Variants in SHROOM2 observed in about 807,000 individuals in gnomAD.
SHROOM2 encodes shroom family member 2.
In SHROOM2, 33 loss-of-function variants were observed where a neutral mutation model predicts 75.9. The ratio of observed to expected loss-of-function variants is 0.43; its 90% CI spans 0.33 to 0.58. SHROOM2 has a LOEUF of 0.58. SHROOM2 is among the 20% of genes least tolerant of loss of function. The pLI, the probability that SHROOM2 is intolerant of heterozygous loss-of-function variation, is 0.04. For missense variants in SHROOM2, 1,434 were observed against 1,461.2 expected (o/e 0.98, Z 0.30); for synonymous variants, 655 against 663.6 (o/e 0.99, Z 0.20).
chrX:9,794,272 C>T (rs1336892709), intron 1 of SHROOM2, among the ~76,000 whole-genome samples: 1 of 112,115 alleles, frequency 8.9e-6, no homozygotes, highest in Non-Finnish European at 1.9e-5. Context: ...TCCCTCCAGC[C>T]CCTGCCTCTT....
chrX:9,873,683 A>T lies in SHROOM2; in HGVS notation c.197A>T (p.Asp66Val), dbSNP rs145000598. 7 of 1,210,126 alleles carry T rather than the reference A, an allele frequency of 5.8e-6. No individual in the cohort carries two copies. The highest frequency in any genetic ancestry group is 7.8e-6 in the Non-Finnish European group (7 of 895,187). Reference protein sequence around the residue: ...IEEGSKAAAVDKLLAGDEIVG... With the variant: ...IEEGSKAAAVVKLLAGDEIVG... ...GAGGGCAGTAAAGCCGCGGCGGTCG[A>T]CAAGTTACTGGCTGGAGATGAGATC... The change falls in exon 2 of 10, where the codon GAC becomes GTC. Residue 66 changes from aspartate (D) to valine (V), a missense_variant. This residue lies in a region of SHROOM2 where 1,340 missense variants were observed against 1,338.3 expected (regional missense o/e 1.00). Coordinates refer to ENST00000380913, the MANE Select transcript of SHROOM2 (RefSeq NM_001649.4).
chrX:9,863,310 CA>C (rs2084114790), intron 1 of SHROOM2, among the ~76,000 whole-genome samples: 1 of 111,242 alleles, frequency 9.0e-6, no homozygotes, highest in African/African-American at 3.3e-5. Context: ...TTTTGGGAGC[CA>C]CATGCCCCCT....
At chrX:9,817,498 C>T (rs189315494) in intron 1 of SHROOM2, among the ~76,000 whole-genome samples, 34 of 112,057 alleles carry the variant, frequency 3.0e-4, no homozygotes, top group Admixed American at 8.5e-4. Context: ...AATGTAATAA[C>T]TTCCCTGGCT....
intron 1 of SHROOM2, among the ~76,000 whole-genome samples, chrX:9,797,432 C>T (rs182598018): frequency 8.9e-6 from 1 of 112,558 alleles, no homozygotes; most frequent in East Asian, 2.8e-4. Flanking sequence ...AGACTATTCT[C>T]ACAAATGAAA....
intron 1 of SHROOM2, among the ~76,000 whole-genome samples, chrX:9,797,236 T>C (rs1209183867): frequency 8.9e-6 from 1 of 111,864 alleles, no homozygotes; most frequent in Non-Finnish European, 1.9e-5. Context: ...ATGCCTGCCA[T>C]TTTACTTTTC....
intron 1 of SHROOM2, among the ~76,000 whole-genome samples, chrX:9,827,805 G>C (rs2083895810): frequency 9.1e-6 from 1 of 110,450 alleles, no homozygotes; most frequent in African/African-American, 3.3e-5. Context: ...GAGAGAATAG[G>C]GTCCTTCCGG....
chrX:9,841,285 A>C (rs911066880), intron 1 of SHROOM2, among the ~76,000 whole-genome samples: 10 of 111,429 alleles, frequency 9.0e-5, no homozygotes, highest in African/African-American at 3.3e-4. Context: ...AAAATCCTTC[A>C]TATCTTCCAT....
intron 1 of SHROOM2, among the ~76,000 whole-genome samples, chrX:9,797,202 A>T (rs2083699486): frequency 9.0e-6 from 1 of 111,589 alleles, no homozygotes; most frequent in Non-Finnish European, 1.9e-5. Context: ...TGACGCTTCT[A>T]CCCTGGGGAG....
chrX:9,906,720 G>A (rs1020837973), intron 5 of SHROOM2, among the ~76,000 whole-genome samples: 2 of 112,170 alleles, frequency 1.8e-5, no homozygotes, highest in Admixed American at 9.4e-5. Flanking sequence ...CCTGGGAGGC[G>A]GAGGTTGCAG....
At position 9,837,306 on chromosome X, in the gene SHROOM2, A is replaced by C. The variant is rs145225022; in HGVS notation, c.166-36346A>C. Among the ~76,000 whole-genome samples the C allele has an allele frequency of 7.3e-3, 824 of 112,848 alleles. 5 individuals carry two copies. The highest frequency in any genetic ancestry group is 0.025 in the African/African-American group (768 of 31,132). On this transcript the variant is annotated intron_variant, in intron 1 of 9. Transcript: ENST00000380913. ...CGGGATTGTTAGCATAGGATTGTTC[A>C]AAAAATCTAATAAGCCAAATATTTT...
chrX:9,792,099 T>G (rs766230818), intron 1 of SHROOM2, among the ~76,000 whole-genome samples: 1 of 16,228 alleles, frequency 6.2e-5, no homozygotes, highest in East Asian at 1.0e-3. Context: ...TAGAATAGAA[T>G]AGAATAGAAT....
At chrX:9,931,950 A>G (rs1170949088) in intron 5 of SHROOM2, among the ~76,000 whole-genome samples, 2 of 110,083 alleles carry the variant, frequency 1.8e-5, no homozygotes, top group East Asian at 5.7e-4. Flanking sequence ...TGAATGCTTC[A>G]TGTTCCCTTG....
rs775675602 is a variant in SHROOM2 at position 9,799,610 on chromosome X, T to A, written c.165+12900T>A. Among the ~76,000 whole-genome samples, 9 of 111,680 alleles carry A rather than the reference T, an allele frequency of 8.1e-5. No homozygotes were observed. The East Asian group carries it at 1.4e-3, about 17-fold the overall frequency. On this transcript the variant is annotated intron_variant, in intron 1 of 9. Coordinates refer to ENST00000380913, the MANE Select transcript of SHROOM2 (RefSeq NM_001649.4). ...TGAAAACTCTTTATTTCCCCTTCTT[T>A]CTATTTTTACAGTGGCTTACACTGG...
chrX:9,813,554 C>T (rs139506926), intron 1 of SHROOM2, among the ~76,000 whole-genome samples: 1,348 of 111,524 alleles, frequency 0.012, 5 homozygotes, highest in Non-Finnish European at 0.019. Context: ...ATAAATTGTT[C>T]GTAATGTAGT....
At position 9,810,129 on chromosome X, in the gene SHROOM2, C is replaced by T. The variant is rs139681799; in HGVS notation, c.165+23419C>T. Among the ~76,000 whole-genome samples the T allele has an allele frequency of 3.2e-3, 360 of 112,506 alleles. 1 individual carries two copies. The highest frequency in any genetic ancestry group is 5.1e-3 in the Non-Finnish European group (273 of 53,309). Reference sequence around the variant, plus strand: ...ACAATTGCAGTCCCCATGTCTGCAGCTGGTCACATGGTTGTAGCTGGTACT... The same window carrying T: ...ACAATTGCAGTCCCCATGTCTGCAGTTGGTCACATGGTTGTAGCTGGTACT... On this transcript the variant is annotated intron_variant, in intron 1 of 9. Transcript: ENST00000380913.
At chrX:9,927,347 C>T (rs759198839) in intron 5 of SHROOM2, among the ~76,000 whole-genome samples, 5 of 65,734 alleles carry the variant, frequency 7.6e-5, no homozygotes, top group Non-Finnish European at 1.3e-4. Context: ...AAGACCCTAT[C>T]TCTGTCTCCA....
intron 6 of SHROOM2, among the ~76,000 whole-genome samples, chrX:9,936,684 G>A (rs1047234627): frequency 1.7e-4 from 19 of 111,726 alleles, no homozygotes; most frequent in Non-Finnish European, 1.3e-4. Context: ...TGAGAACTAC[G>A]CAGGAACCCG....
At chrX:9,905,106 C>T (rs1006145949) in intron 5 of SHROOM2, among the ~76,000 whole-genome samples, 6 of 112,382 alleles carry the variant, frequency 5.3e-5, no homozygotes, top group African/African-American at 1.9e-4. Context: ...CCTCTTGCCT[C>T]AGCCTCTCAG....
In SHROOM2 at chrX:9,932,201, G is replaced by A. The variant is rs748617366; in HGVS notation, c.2918G>A (p.Gly973Asp). 7.1e-6 allele frequency: 8 copies of A among 1,134,337 alleles called. No homozygotes were observed. The highest frequency in any genetic ancestry group is 9.3e-6 in the Non-Finnish European group (8 of 858,071). 93.5% of individuals were successfully genotyped at this position (1,134,337 alleles called of 1,213,427 possible). ...CAAGCAGATGCCCAGTGTCGGGAAG[G>A]CAGCCCAGGATCACAGCAGCACCCA... Reference protein sequence around the residue: ...PRQADAQCREGSPGSQQHPPS... With the variant: ...PRQADAQCREDSPGSQQHPPS... The change falls in exon 6 of 10, where the codon GGC becomes GAC. Residue 973 changes from glycine (G) to aspartate (D), a missense_variant. Gly to Asp is a moderately conservative substitution (Grantham distance 94). Transcript: ENST00000380913.
Sources: allele counts gnomAD v4.1 joint callset (sites outside exome capture counted in the v4.1 genomes callset), GRCh38; gene constraint gnomAD v4.1.1; regional missense constraint gnomAD v4.1.1; transcripts MANE v1.5; gene names NCBI Gene and HGNC (gene_info 2026-07-23, HGNC 2026-07-21).